Variants in KDM4B observed in about 807,000 individuals in gnomAD.
KDM4B encodes the protein lysine demethylase 4B.
Under a neutral mutation model 125.2 loss-of-function variants are expected in KDM4B, and 32 were observed. The ratio of observed to expected loss-of-function variants is 0.26; its 90% confidence interval spans 0.19 to 0.34. The LOEUF (loss-of-function observed/expected upper bound fraction) is 0.34. Among genes scored for constraint, KDM4B ranks in the 10% least tolerant of loss-of-function variants. KDM4B has a pLI of 1.00. For synonymous variants in KDM4B, 721 were observed against 677.9 expected (o/e 1.06, Z -0.99); for missense variants, 1,190 against 1,577.7 (o/e 0.75, Z 4.16).
intron 9 of KDM4B, among the ~76,000 whole-genome samples, chr19:5,102,950 A>G: frequency 6.6e-6 from 1 of 152,232 alleles, no homozygotes; most frequent in Admixed American, 6.5e-5. Flanking sequence ...TTTCACTTTA[A>G]AGCCCTGGAG....
chr19:5,092,922 G>T (rs1479888416), intron 9 of KDM4B, among the ~76,000 whole-genome samples: 1 of 82,592 alleles, frequency 1.2e-5, no homozygotes, highest in Non-Finnish European at 2.5e-5. Flanking sequence ...GGAGGGATCA[G>T]GGGAGGCCGG....
rs1234465073 is a variant in KDM4B, at chr19:5,035,888, C to CGT, written c.141+2858_141+2859insTG. Among the ~76,000 whole-genome samples, 52 of 95,618 alleles carry CGT rather than the reference C, an allele frequency of 5.4e-4. No homozygotes were observed. The highest frequency in any genetic ancestry group is 1.9e-3 in the African/African-American group (52 of 27,572). 62.7% of individuals were successfully genotyped at this position (95,618 alleles called of 152,430 possible). ...CTGTGTGTGTGTGTGTGTGCGCGCG[C>CGT]GCGCGCGCCTGCGCGCACAGGAGAC... On this transcript the variant is annotated intron_variant, in intron 3 of 22. Coordinates refer to ENST00000159111, the MANE Select transcript of KDM4B (RefSeq NM_015015.3). This position sits in a 1 kb window ranked among gnomAD's most constrained non-coding sequence, Gnocchi z 5.3.
intron 9 of KDM4B, among the ~76,000 whole-genome samples, chr19:5,097,727 G>A (rs1407948377): frequency 1.3e-5 from 2 of 152,264 alleles, no homozygotes; most frequent in African/African-American, 2.4e-5. Flanking sequence ...AGAGCGCGTT[G>A]GCCACCTTCC....
chr19:5,071,097 C>T (rs764979493), intron 7 of KDM4B, 38 bp downstream of exon 7: 1 of 1,600,378 alleles, frequency 6.2e-7, no homozygotes, highest in Non-Finnish European at 8.5e-7. Context: ...GACCTGGGAC[C>T]AGGTGGGAGG....
At chr19:5,143,867 T>C in intron 18 of KDM4B, 100 bp from the exon 19 acceptor site, 3 of 960,376 alleles carry the variant, frequency 3.1e-6, no homozygotes, top group Non-Finnish European at 4.7e-6. Context: ...ACTCCCGCGA[T>C]GCCTCCCTTG....
At chr19:5,046,170 C>T (rs563437345) in intron 5 of KDM4B, among the ~76,000 whole-genome samples, 3 of 152,364 alleles carry the variant, frequency 2.0e-5, no homozygotes, top group South Asian at 2.1e-4. Flanking sequence ...TGCAGCCGCA[C>T]GCAGGCTGTG....
chr19:5,122,179 C>A (rs780134253), intron 11 of KDM4B, among the ~76,000 whole-genome samples: 5 of 152,182 alleles, frequency 3.3e-5, no homozygotes, highest in Admixed American at 6.5e-5. Flanking sequence ...GAACCTGTTT[C>A]CTGCCTGTCT....
chr19:4,983,135 CTTTTT>C (rs76958173), intron 1 of KDM4B, among the ~76,000 whole-genome samples: 16 of 130,630 alleles, frequency 1.2e-4, no homozygotes, highest in African/African-American at 4.3e-4. Flanking sequence ...TTTTTCTTTT[CTTTTT>C]TTTTTTTTTT....
At chr19:5,040,549 G>A (rs532033198) in intron 4 of KDM4B, among the ~76,000 whole-genome samples, 4 of 152,302 alleles carry the variant, frequency 2.6e-5, no homozygotes, top group South Asian at 2.1e-4. Flanking sequence ...ACCTATGGGC[G>A]CCTACCCAGG....
chr19:5,091,811 G>GGA (rs1445812030), intron 9 of KDM4B, among the ~76,000 whole-genome samples: 5 of 152,184 alleles, frequency 3.3e-5, no homozygotes, highest in Admixed American at 3.3e-4. Context: ...CCACTCCTCT[G>GGA]ACCCGCTGGA....
intron 5 of KDM4B, among the ~76,000 whole-genome samples, chr19:5,043,577 G>GT (rs1389792021): frequency 1.6e-4 from 24 of 146,510 alleles, no homozygotes; most frequent in African/African-American, 6.2e-4. Flanking sequence ...CCTGTGTGGT[G>GT]TTTATCAGAG....
In KDM4B at chr19:5,144,768, C is replaced by T; in HGVS notation, c.2902-15C>T. ...GTGTGGCCAGGACCTCACCTCCCAC[C>T]TCTTCTCCCTGCAGAGTAGGGACTG... is the stretch of plus-strand genomic sequence containing the variant. On this transcript the variant is annotated splice_polypyrimidine_tract_variant and intron_variant, in intron 20 of 22. Coordinates refer to ENST00000159111, the MANE Select transcript of KDM4B (RefSeq NM_015015.3). The T allele has an allele frequency of 1.9e-6, 3 of 1,613,426 alleles. No homozygotes were observed. The highest frequency in any genetic ancestry group is 8.5e-7 in the Non-Finnish European group (1 of 1,179,970).
At chr19:5,094,728 T>C (rs1262079468) in intron 9 of KDM4B, among the ~76,000 whole-genome samples, 2 of 152,088 alleles carry the variant, frequency 1.3e-5, no homozygotes, top group Non-Finnish European at 2.9e-5. Flanking sequence ...GGGTGTGCTG[T>C]TGAGATGCGT....
At position 5,151,355 on chromosome 19, in the gene KDM4B, G is replaced by A. The variant is rs771674735; in HGVS notation, c.3135G>A (p.Pro1045=). 1.1e-5 allele frequency: 18 copies of A among 1,572,844 alleles called. No homozygotes were observed. The East Asian group carries it at 2.1e-4, about 19-fold the overall frequency. Residue 1045 remains proline, a synonymous_variant, in exon 23 of 23, where the codon CCG becomes CCA. Coordinates refer to ENST00000159111, the MANE Select transcript of KDM4B (RefSeq NM_015015.3). ...CGCAGTCACTGAGCACGGGGGCACC[G>A]CAGGAGCCCGCCTTCTCGGGGGAGG... ...RSRLSLSTGA[P]QEPAFSGEEA...
At chr19:4,977,171 G>T (rs1377205693) in intron 1 of KDM4B, among the ~76,000 whole-genome samples, 1 of 152,022 alleles carries the variant, frequency 6.6e-6, no homozygotes, top group Admixed American at 6.6e-5. Context: ...ACAAGTTTGC[G>T]TCCAGCCATC....
intron 14 of KDM4B, among the ~76,000 whole-genome samples, chr19:5,134,743 A>C (rs1006548732): frequency 6.6e-6 from 1 of 152,132 alleles, no homozygotes; most frequent in African/African-American, 2.4e-5. Context: ...GTCACCCCCC[A>C]GGCCTGTGCG....
intron 8 of KDM4B, among the ~76,000 whole-genome samples, chr19:5,079,346 C>T (rs1405001020): frequency 1.3e-5 from 2 of 152,310 alleles, no homozygotes; most frequent in South Asian, 2.1e-4. Flanking sequence ...ACAGCAGTGA[C>T]ACAGGGGACA....
chr19:5,003,820 C>CCCTG lies in KDM4B; in HGVS notation c.-108-12435_-108-12432dup, dbSNP rs1249530685. On this transcript the variant is annotated intron_variant, in intron 1 of 22. Transcript: ENST00000159111. The stretch of plus-strand genomic sequence containing the variant: ...GTGAGACCCCGTCTAAAAAAAAGGT[C>CCCTG]CCTGCTTACCCCACTGCCTTGGGGA... 3.3e-5 allele frequency among the ~76,000 whole-genome samples: 5 copies of CCCTG among 152,126 alleles called. No homozygotes were observed. In the East Asian group the frequency reaches 9.7e-4, roughly 29 times the overall value.
intron 21 of KDM4B, among the ~76,000 whole-genome samples, chr19:5,146,978 G>C (rs78707937): frequency 1.2e-4 from 18 of 150,676 alleles, no homozygotes; most frequent in African/African-American, 3.9e-4. Flanking sequence ...ACTCTGCTGG[G>C]AAGCATTCTG....
Sources: allele counts gnomAD v4.1 joint callset (sites outside exome capture counted in the v4.1 genomes callset), GRCh38; gene constraint gnomAD v4.1.1; non-coding constraint Gnocchi (gnomAD v3.1); transcripts MANE v1.5; gene names NCBI Gene and HGNC (gene_info 2026-07-23, HGNC 2026-07-21).